LDB2: variants seen among roughly 807,000 people sequenced by gnomAD.
LDB2 encodes the protein LIM domain-binding protein 2.
Under a neutral mutation model 44.3 loss-of-function variants are expected in LDB2, and 12 were observed. The ratio of observed to expected loss-of-function variants is 0.27; its 90% CI spans 0.17 to 0.44. The LOEUF is 0.44. Among genes scored for constraint, LDB2 ranks in the 20% least tolerant of loss-of-function variants. The pLI is 1.00. For missense variants in LDB2, 344 were observed against 473.5 expected (o/e 0.73, Z 2.54); for synonymous variants, 164 against 174.8 (o/e 0.94, Z 0.49).
chr4:16,554,564 C>G (rs190772879), intron 5 of LDB2, among the ~76,000 whole-genome samples: 11 of 152,158 alleles, frequency 7.2e-5, no homozygotes, highest in Admixed American at 1.3e-4. Context: ...TGCACTGATG[C>G]ATTCAAAAAA....
At chr4:16,506,775 G>A (rs1719643177) in intron 7 of LDB2, 1 of 152,134 alleles carries the variant, frequency 6.6e-6, no homozygotes, top group Non-Finnish European at 1.5e-5. Context: ...CCTTGGTATT[G>A]CTAGTACCTG....
intron 2 of LDB2, among the ~76,000 whole-genome samples, chr4:16,669,945 T>C (rs893842464): frequency 5.9e-5 from 9 of 152,164 alleles, no homozygotes; most frequent in Admixed American, 1.3e-4. Context: ...ACAAATAAAG[T>C]TTTATTGGAA....
rs138738286 is a variant in LDB2 at position 16,626,392 on chromosome 4, A to T, written c.236-30517T>A. Among the ~76,000 whole-genome samples the T allele has an allele frequency of 2.0e-5, 3 of 152,364 alleles. No individual in the cohort carries two copies. In the East Asian group the frequency reaches 5.8e-4, roughly 29 times the overall value. ...CTGTTTTGCAGTGGCAGAATGTCAC[A>T]TGTCAAAAAAGTACTGCCATGGGAG... is the stretch of plus-strand genomic sequence containing the variant. On this transcript the variant is annotated intron_variant, in intron 2 of 7. Coordinates refer to ENST00000304523, the MANE Select transcript of LDB2 (RefSeq NM_001290.5).
chr4:16,843,357 G>A (rs1329664449), intron 1 of LDB2, among the ~76,000 whole-genome samples: 15 of 152,234 alleles, frequency 9.9e-5, no homozygotes, highest in Middle Eastern at 3.4e-3. Context: ...GAAGCATGTC[G>A]TTTTCTTCAC....
At chr4:16,682,633 C>G (rs1676468713) in intron 2 of LDB2, among the ~76,000 whole-genome samples, 1 of 152,200 alleles carries the variant, frequency 6.6e-6, no homozygotes, top group African/African-American at 2.4e-5. Flanking sequence ...TTTCAGAGCC[C>G]TGGTATGCTC....
At chr4:16,544,467 A>G (rs1337205136) in intron 5 of LDB2, among the ~76,000 whole-genome samples, 1 of 152,210 alleles carries the variant, frequency 6.6e-6, no homozygotes, top group Non-Finnish European at 1.5e-5. Context: ...CAGAGGTGCT[A>G]GAACATTATT....
At chr4:16,580,022 A>G (rs1249721032) in intron 5 of LDB2, among the ~76,000 whole-genome samples, 1 of 152,180 alleles carries the variant, frequency 6.6e-6, no homozygotes, top group Non-Finnish European at 1.5e-5. Context: ...GAGTTGATAG[A>G]TGAAGGAATC....
chr4:16,841,170 T>C (rs924260896), intron 1 of LDB2, among the ~76,000 whole-genome samples: 1 of 152,190 alleles, frequency 6.6e-6, no homozygotes, highest in Non-Finnish European at 1.5e-5. Flanking sequence ...AAAGATTCAG[T>C]TATTACATTT....
chr4:16,741,969 C>T (rs1763349524), intron 2 of LDB2, among the ~76,000 whole-genome samples: 1 of 152,044 alleles, frequency 6.6e-6, no homozygotes, highest in East Asian at 1.9e-4. Flanking sequence ...GTAGATTGAG[C>T]AACACAGCAG....
At chr4:16,555,646 C>T (rs1739308165) in intron 5 of LDB2, among the ~76,000 whole-genome samples, 1 of 152,154 alleles carries the variant, frequency 6.6e-6, no homozygotes, top group Admixed American at 6.5e-5. Context: ...TGTCAAAAAC[C>T]TCCTTAAATT....
At chr4:16,893,043 G>C in intron 1 of LDB2, 1 of 931,822 alleles carries the variant, frequency 1.1e-6, no homozygotes, top group Non-Finnish European at 1.3e-6. Flanking sequence ...AAGACTTCAA[G>C]AAAATAAAAT....
intron 2 of LDB2, among the ~76,000 whole-genome samples, chr4:16,742,097 G>A (rs558668450): frequency 2.0e-3 from 241 of 120,336 alleles, no homozygotes; most frequent in African/African-American, 7.2e-3. Flanking sequence ...TTTTTTGAGA[G>A]TGTCTCACTC....
At chr4:16,672,654 C>G (rs1254955497) in intron 2 of LDB2, among the ~76,000 whole-genome samples, 1 of 152,188 alleles carries the variant, frequency 6.6e-6, no homozygotes, top group Admixed American at 6.5e-5. Flanking sequence ...AAGAGCCAAA[C>G]TACAGGCAGG....
At chr4:16,674,268 G>A (rs771130910) in intron 2 of LDB2, 39 of 1,289,076 alleles carry the variant, frequency 3.0e-5, no homozygotes, top group Middle Eastern at 2.1e-4. Flanking sequence ...ATCTGGTTCC[G>A]AATCCCCGAG....
chr4:16,863,916 TC>T (rs1713690195), intron 1 of LDB2, among the ~76,000 whole-genome samples: 1 of 152,212 alleles, frequency 6.6e-6, no homozygotes, highest in African/African-American at 2.4e-5. Flanking sequence ...CGCCTCGGCT[TC>T]CCGAAGTGCT....
At chr4:16,799,488 A>G (rs1777358726) in intron 1 of LDB2, among the ~76,000 whole-genome samples, 2 of 152,366 alleles carry the variant, frequency 1.3e-5, no homozygotes, top group South Asian at 4.1e-4. Context: ...TTGAATAGGA[A>G]GAAGGAAAGG....
At chr4:16,537,551 C>T (rs555482210) in intron 5 of LDB2, among the ~76,000 whole-genome samples, 11 of 152,330 alleles carry the variant, frequency 7.2e-5, no homozygotes, top group African/African-American at 2.6e-4. Flanking sequence ...CTAGGTACAG[C>T]ACGATGTCTG....
chr4:16,896,042 G>A (rs1475890099), intron 1 of LDB2, among the ~76,000 whole-genome samples: 1 of 151,918 alleles, frequency 6.6e-6, no homozygotes, highest in African/African-American at 2.4e-5. Flanking sequence ...AAGTATTGAG[G>A]CAATTATTTG....
At chr4:16,617,396 A>G (rs894927165) in intron 2 of LDB2, among the ~76,000 whole-genome samples, 2 of 152,196 alleles carry the variant, frequency 1.3e-5, no homozygotes, top group African/African-American at 2.4e-5. Context: ...CAGACAATCC[A>G]ATTTTACTAA....
Sources: allele counts gnomAD v4.1 joint callset (sites outside exome capture counted in the v4.1 genomes callset), GRCh38; gene constraint gnomAD v4.1.1; transcripts MANE v1.5; gene names NCBI Gene and HGNC (gene_info 2026-07-23, HGNC 2026-07-21).